The following AGBL4 variants were observed in gnomAD, a reference collection of about 807,000 sequenced individuals.
The protein encoded by AGBL4 is AGBL carboxypeptidase 4.
In AGBL4, 58 loss-of-function variants were observed where a neutral mutation model predicts 66.4. The ratio of observed to expected loss-of-function variants is 0.87; its 90% CI spans 0.71 to 1.09. The LOEUF (loss-of-function observed/expected upper bound fraction) is 1.09, where lower values mean the gene tolerates loss of function less well. Among genes scored for constraint, AGBL4 ranks in the 50% least tolerant of loss-of-function variants. The pLI is 0.00. For synonymous variants in AGBL4, 234 were observed against 222.9 expected (o/e 1.05, Z -0.44); for missense variants, 579 against 631.0 (o/e 0.92, Z 0.88).
chr1:49,859,802 T>C lies in AGBL4; in HGVS notation c.35-8284A>G, dbSNP rs563608115. Among the ~76,000 whole-genome samples the C allele has an allele frequency of 2.6e-5, 4 of 152,090 alleles. No homozygotes were observed. The East Asian group carries it at 5.8e-4, about 22-fold the overall frequency. ...AAAGAAATTAAAGCTGTACATACTG[T>C]CCCTATTCATACACAACAGAATTGT... On this transcript the variant is annotated intron_variant, in intron 1 of 13. Coordinates refer to ENST00000371839, the MANE Select transcript of AGBL4 (RefSeq NM_032785.4).
At chr1:48,691,755 G>T (rs1646636798) in intron 6 of AGBL4, among the ~76,000 whole-genome samples, 1 of 152,156 alleles carries the variant, frequency 6.6e-6, no homozygotes, top group African/African-American at 2.4e-5. Context: ...CAGCTGCCCA[G>T]CCTCACATAG....
chr1:49,029,656 T>G (rs904996134), intron 5 of AGBL4, among the ~76,000 whole-genome samples: 1 of 152,106 alleles, frequency 6.6e-6, no homozygotes, highest in Non-Finnish European at 1.5e-5. Flanking sequence ...TCATCTGGCT[T>G]TTTTGTAGAA....
intron 10 of AGBL4, among the ~76,000 whole-genome samples, chr1:48,590,372 C>T (rs1360240565): frequency 6.7e-6 from 1 of 149,324 alleles, no homozygotes; most frequent in Non-Finnish European, 1.5e-5. Flanking sequence ...TGCCATTGCA[C>T]TCCAGCCTGG....
chr1:48,666,991 T>C (rs1168210113), intron 6 of AGBL4, among the ~76,000 whole-genome samples: 9 of 152,224 alleles, frequency 5.9e-5, no homozygotes, highest in Admixed American at 3.3e-4. Flanking sequence ...TAAACTTGCA[T>C]AAGTAGCAAA....
chr1:49,944,802 CA>C (rs1207057598), intron 1 of AGBL4, among the ~76,000 whole-genome samples: 1 of 149,954 alleles, frequency 6.7e-6, no homozygotes, highest in Non-Finnish European at 1.5e-5. Context: ...TTAAAGAAAC[CA>C]AAAAAAACAA....
At chr1:50,007,378 T>C (rs1422968065) in intron 1 of AGBL4, among the ~76,000 whole-genome samples, 1 of 151,938 alleles carries the variant, frequency 6.6e-6, no homozygotes, top group Non-Finnish European at 1.5e-5. Flanking sequence ...AATAACAACA[T>C]TGAATATAAA....
chr1:49,560,893 A>G (rs1038483538), intron 3 of AGBL4, among the ~76,000 whole-genome samples: 1 of 152,064 alleles, frequency 6.6e-6, no homozygotes, highest in Non-Finnish European at 1.5e-5. Context: ...GGGAATAAAG[A>G]TTTTCCCAGA....
intron 11 of AGBL4, among the ~76,000 whole-genome samples, chr1:48,567,588 G>A (rs1644496653): frequency 6.6e-6 from 1 of 152,118 alleles, no homozygotes; most frequent in Non-Finnish European, 1.5e-5. Flanking sequence ...TTTTTGTCTC[G>A]ACAGGGTAAT....
At chr1:49,344,332 C>T (rs1264493438) in intron 3 of AGBL4, among the ~76,000 whole-genome samples, 1 of 151,804 alleles carries the variant, frequency 6.6e-6, no homozygotes, top group African/African-American at 2.4e-5. Flanking sequence ...AAAAAAAAGA[C>T]TACTGGAGAA....
intron 2 of AGBL4, among the ~76,000 whole-genome samples, chr1:49,809,061 T>C (rs760505833): frequency 6.6e-5 from 10 of 152,216 alleles, no homozygotes; most frequent in Non-Finnish European, 1.2e-4. Flanking sequence ...TATGGAGTTA[T>C]GTGCTACCAA....
intron 4 of AGBL4, among the ~76,000 whole-genome samples, chr1:49,229,475 G>A (rs1387378735): frequency 2.0e-5 from 3 of 152,136 alleles, no homozygotes; most frequent in Admixed American, 2.0e-4. Context: ...AGAAACAACT[G>A]GGAGCAAGCA....
In AGBL4 at chr1:49,304,410, T is replaced by C. The variant is rs542925706; in HGVS notation, c.283-58546A>G. 3.3e-5 allele frequency among the ~76,000 whole-genome samples: 5 copies of C among 152,350 alleles called. No individual in the cohort carries two copies. The South Asian group carries it at 8.3e-4, about 25-fold the overall frequency. The stretch of plus-strand genomic sequence containing the variant: ...TTGAATATCTAGATTTTATATTTTG[T>C]CTTATGACACATAAGAGGTATTAGA... On this transcript the variant is annotated intron_variant, in intron 3 of 13. Coordinates refer to ENST00000371839, the MANE Select transcript of AGBL4 (RefSeq NM_032785.4).
intron 6 of AGBL4, among the ~76,000 whole-genome samples, chr1:48,688,312 T>A (rs1298332908): frequency 6.6e-6 from 1 of 152,182 alleles, no homozygotes; most frequent in Non-Finnish European, 1.5e-5. Flanking sequence ...CCTAGAGCTC[T>A]CTCTATTCTC....
chr1:49,510,005 G>T (rs1649061267), intron 3 of AGBL4, among the ~76,000 whole-genome samples: 1 of 151,956 alleles, frequency 6.6e-6, no homozygotes, highest in South Asian at 2.1e-4. Flanking sequence ...AAGGCTAATT[G>T]TACATTGTCA....
chr1:49,268,395 CTT>C (rs1235202886), intron 3 of AGBL4: 3 of 139,200 alleles, frequency 2.2e-5, no homozygotes, highest in Admixed American at 7.3e-5. Flanking sequence ...AATTCCTTTC[CTT>C]TTTTTTTTTT....
chr1:49,241,947 C>T (rs1217937779), intron 4 of AGBL4, among the ~76,000 whole-genome samples: 2 of 151,854 alleles, frequency 1.3e-5, no homozygotes, highest in Non-Finnish European at 2.9e-5. Context: ...ATTTCTTCCA[C>T]CCGGAATCCC....
intron 2 of AGBL4, among the ~76,000 whole-genome samples, chr1:49,710,861 A>G (rs1647609788): frequency 6.6e-6 from 1 of 151,838 alleles, no homozygotes; most frequent in Admixed American, 6.6e-5. Context: ...TATCTTGAAT[A>G]TACAAAGAAC....
intron 4 of AGBL4, among the ~76,000 whole-genome samples, chr1:49,161,833 G>T (rs894426194): frequency 6.6e-6 from 1 of 152,112 alleles, no homozygotes; most frequent in Non-Finnish European, 1.5e-5. Flanking sequence ...TCCCTGCTCA[G>T]AGCTTAGCAG....
chr1:49,261,630 C>T (rs1653178196), intron 3 of AGBL4, among the ~76,000 whole-genome samples: 1 of 152,068 alleles, frequency 6.6e-6, no homozygotes, highest in African/African-American at 2.4e-5. Context: ...TCAAGGAGAA[C>T]TGCAAACCAC....
Sources: allele counts gnomAD v4.1 joint callset (sites outside exome capture counted in the v4.1 genomes callset), GRCh38; gene constraint gnomAD v4.1.1; transcripts MANE v1.5; gene names NCBI Gene and HGNC (gene_info 2026-07-23, HGNC 2026-07-21).